NRG1: variants seen among roughly 807,000 people sequenced by gnomAD.
NRG1 encodes neuregulin 1.
NRG1 carries 18 observed loss-of-function variants against 63.8 expected under a neutral mutation model. The ratio of observed to expected loss-of-function variants is 0.28; its 90% CI spans 0.19 to 0.42. NRG1 has a LOEUF of 0.42. NRG1 is among the 10% of genes least tolerant of loss of function. The pLI is 1.00. For missense variants in NRG1, 762 were observed against 814.7 expected (o/e 0.94, Z 0.79); for synonymous variants, 302 against 301.3 (o/e 1.00, Z -0.02).
At chr8:32,610,798 A>C (rs1444150896) in intron 3 of NRG1, among the ~76,000 whole-genome samples, 4 of 152,196 alleles carry the variant, frequency 2.6e-5, no homozygotes, top group Non-Finnish European at 5.9e-5. Context: ...TAAAGCTTAC[A>C]AAGACCAGTT....
intron 1 of NRG1, among the ~76,000 whole-genome samples, chr8:32,477,112 G>A (rs540627372): frequency 4.6e-5 from 7 of 152,166 alleles, no homozygotes; most frequent in Non-Finnish European, 7.3e-5. Flanking sequence ...AGCCAATTGA[G>A]TTAAATATTC....
At chr8:32,196,977 T>TTTTTTTTTTTTTTTTTTTTTTTC (rs1843021844) in intron 1 of NRG1, among the ~76,000 whole-genome samples, 1 of 130,086 alleles carries the variant, frequency 7.7e-6, no homozygotes, top group Non-Finnish European at 1.6e-5. Context: ...TTTTTTTTTT[T>TTTTTTTTTTTTTTTTTTTTTTTC]AAGATAGAGT....
At position 32,632,213 on chromosome 8, in the gene NRG1, T is replaced by A. The variant is rs558569418; in HGVS notation, c.502+15328T>A. On this transcript the variant is annotated intron_variant, in intron 5 of 11. Transcript: ENST00000356819. ...GCCACGTTAATATAAAATAAGTGAG[T>A]TCCATCGAAGTATACACTCTTTTCT... Among the ~76,000 whole-genome samples the A allele has an allele frequency of 5.3e-5, 8 of 152,178 alleles. No individual in the cohort carries two copies. In the South Asian group the frequency reaches 1.2e-3, roughly 24 times the overall value.
rs76900053 is a variant in NRG1 at position 31,771,257 on chromosome 8, G to C, written c.37+131826G>C. The stretch of plus-strand genomic sequence containing the variant: ...TAGAATAATAACTATGCAACCTTTT[G>C]AGATTGACTTTTTTTCCCATTCAGC... On this transcript the variant is annotated intron_variant, in intron 1 of 10. Transcript: ENST00000519301. Among the ~76,000 whole-genome samples, 395 of 152,212 alleles carry C rather than the reference G, an allele frequency of 2.6e-3. 1 individual carries two copies. Among genetic ancestry groups the C allele is most frequent in the African/African-American group, 8.9e-3 (370 of 41,542 alleles).
intron 1 of NRG1, among the ~76,000 whole-genome samples, chr8:32,350,449 C>G (rs1805456743): frequency 6.6e-6 from 1 of 152,114 alleles, no homozygotes; most frequent in African/African-American, 2.4e-5. Context: ...TGTTAGTTTA[C>G]AACTAACAAA....
intron 1 of NRG1, among the ~76,000 whole-genome samples, chr8:31,754,773 G>T (rs1218857330): frequency 6.6e-6 from 1 of 151,994 alleles, no homozygotes; most frequent in East Asian, 1.9e-4. Flanking sequence ...AAGTACAACT[G>T]CTCCTATCTA....
At chr8:31,942,879 A>AG (rs1801967815) in intron 1 of NRG1, among the ~76,000 whole-genome samples, 1 of 150,720 alleles carries the variant, frequency 6.6e-6, no homozygotes, top group Non-Finnish European at 1.5e-5. Flanking sequence ...AATAAAAAGA[A>AG]AAAAAAAAAC....
intron 1 of NRG1, among the ~76,000 whole-genome samples, chr8:31,652,975 CT>C (rs1442465773): frequency 2.8e-5 from 1 of 36,328 alleles, no homozygotes; most frequent in African/African-American, 7.6e-5. Flanking sequence ...CTCTCCTCTC[CT>C]CTCCTCTCCT....
Position 31,661,337 on chromosome 8 carries a change from G to T in NRG1, c.37+21906G>T, listed in dbSNP as rs374070381. On this transcript the variant is annotated intron_variant, in intron 1 of 10. Coordinates refer to the NRG1 transcript ENST00000519301. ...AATTAAAATTCCTCAGCTTATGAAG[G>T]TCTGGTCCTGGTCCTAAGTGAACTA... 3.2e-4 allele frequency among the ~76,000 whole-genome samples: 49 copies of T among 152,248 alleles called. 1 individual carries two copies. Among genetic ancestry groups the T allele is most frequent in the African/African-American group, 1.1e-3 (47 of 41,558 alleles).
rs116624003 is a variant in NRG1, at chr8:32,165,556, A to T, written c.38-430272A>T. 3.6e-3 allele frequency among the ~76,000 whole-genome samples: 554 copies of T among 152,348 alleles called. 8 individuals carry two copies. The highest frequency in any genetic ancestry group is 0.013 in the African/African-American group (539 of 41,584). The stretch of plus-strand genomic sequence containing the variant: ...CATAGCAAAAGGCAGACAGAAGTAG[A>T]TGCTGAATAGAGAAACAAGACTGTT... On this transcript the variant is annotated intron_variant, in intron 1 of 10. Coordinates refer to the NRG1 transcript ENST00000519301.
intron 5 of NRG1, among the ~76,000 whole-genome samples, chr8:32,672,339 T>C (rs1221205399): frequency 6.6e-6 from 1 of 152,164 alleles, no homozygotes; most frequent in Non-Finnish European, 1.5e-5. Flanking sequence ...CCACCATGCC[T>C]GGCCTTCATC....
intron 1 of NRG1, among the ~76,000 whole-genome samples, chr8:31,724,558 T>A (rs1369199902): frequency 6.6e-6 from 1 of 152,154 alleles, no homozygotes; most frequent in African/African-American, 2.4e-5. Flanking sequence ...AGTGCCTGAT[T>A]TTATGCAAAT....
intron 1 of NRG1, among the ~76,000 whole-genome samples, chr8:32,091,265 G>A (rs534685074): frequency 3.3e-4 from 48 of 143,434 alleles, no homozygotes; most frequent in African/African-American, 1.0e-3. Flanking sequence ...GCGACAGAGC[G>A]AGACTTGGTC....
chr8:32,187,727 G>A (rs1187177944), intron 1 of NRG1, among the ~76,000 whole-genome samples: 3 of 151,862 alleles, frequency 2.0e-5, no homozygotes, highest in Non-Finnish European at 4.4e-5. Context: ...AGGAGGGGTG[G>A]CGCAAAGCAG....
At chr8:32,588,756 T>C (rs1224147097) in intron 1 of NRG1, among the ~76,000 whole-genome samples, 3 of 152,204 alleles carry the variant, frequency 2.0e-5, no homozygotes, top group Non-Finnish European at 4.4e-5. Flanking sequence ...GCTGGTTGGA[T>C]TTAGTTTGCT....
At chr8:32,614,348 T>C in intron 3 of NRG1, 166 bp from the exon 4 acceptor site, 1 of 534,756 alleles carries the variant, frequency 1.9e-6, no homozygotes. Context: ...ATTTGGACTG[T>C]CTTTCTGCAT....
At chr8:32,275,518 A>G (rs751001731) in intron 1 of NRG1, among the ~76,000 whole-genome samples, 9 of 152,064 alleles carry the variant, frequency 5.9e-5, no homozygotes, top group Non-Finnish European at 1.2e-4. Flanking sequence ...GGACATTAAG[A>G]CGGAGCTGAA....
Position 32,290,748 on chromosome 8 carries a change from T to G in NRG1, c.38-305080T>G, listed in dbSNP as rs528976606. ...ATGGATTAGATTTTATTATATTTGC[T>G]GCAAACTCTTTTTATAATGTTCTTC... On this transcript the variant is annotated intron_variant, in intron 1 of 10. Transcript: ENST00000519301. Among the ~76,000 whole-genome samples the G allele has an allele frequency of 2.0e-5, 3 of 152,358 alleles. No individual in the cohort carries two copies. In the South Asian group the frequency reaches 6.2e-4, roughly 32 times the overall value.
chr8:32,346,676 C>A (rs2129479002), intron 1 of NRG1, among the ~76,000 whole-genome samples: 1 of 152,144 alleles, frequency 6.6e-6, no homozygotes, highest in East Asian at 1.9e-4. Context: ...GTGCTTATTT[C>A]TCTTCCTGGA....
Sources: allele counts gnomAD v4.1 joint callset (sites outside exome capture counted in the v4.1 genomes callset), GRCh38; gene constraint gnomAD v4.1.1; transcripts MANE v1.5; gene names NCBI Gene and HGNC (gene_info 2026-07-23, HGNC 2026-07-21).